CFAP46: variants seen among roughly 807,000 people sequenced by gnomAD.
CFAP46 encodes the protein cilia- and flagella-associated protein 46.
Under a neutral mutation model 325.7 loss-of-function variants are expected in CFAP46, and 245 were observed. The ratio of observed to expected loss-of-function variants is 0.75; its 90% CI spans 0.68 to 0.84. CFAP46 has a LOEUF of 0.84. Ranked by LOEUF, CFAP46 falls within the 40% of genes least tolerant of loss-of-function variation. The pLI, the probability that CFAP46 is intolerant of heterozygous loss-of-function variation, is 0.00. For synonymous variants in CFAP46, 1,523 were observed against 1,495.9 expected (o/e 1.02, Z -0.42); for missense variants, 3,346 against 3,543.0 (o/e 0.94, Z 1.41).
chr10:132,858,199 G>A (rs560929068), intron 38 of CFAP46, among the ~76,000 whole-genome samples: 6 of 152,356 alleles, frequency 3.9e-5, no homozygotes, highest in African/African-American at 1.4e-4. Context: ...CCGCCGTGTC[G>A]AGACGCTTGC....
At chr10:132,925,211 C>G (rs543475467) in intron 10 of CFAP46, among the ~76,000 whole-genome samples, 1 of 152,368 alleles carries the variant, frequency 6.6e-6, no homozygotes, top group Non-Finnish European at 1.5e-5. Context: ...CTTCCCACCC[C>G]CAGAATGCCT....
intron 37 of CFAP46, 144 bp downstream of exon 37, chr10:132,860,273 C>T: frequency 3.2e-6 from 2 of 617,266 alleles, no homozygotes; most frequent in Non-Finnish European, 2.9e-6. Context: ...CTTTCTGGAG[C>T]TGCACGGAAA....
intron 35 of CFAP46, among the ~76,000 whole-genome samples, chr10:132,865,808 T>C (rs370494982): frequency 6.6e-6 from 1 of 152,128 alleles, no homozygotes; most frequent in South Asian, 2.1e-4. Flanking sequence ...GTACTGGAAA[T>C]AGAAACTTCA....
At chr10:132,873,682 C>T (rs1478795622) in intron 31 of CFAP46, among the ~76,000 whole-genome samples, 1 of 152,118 alleles carries the variant, frequency 6.6e-6, no homozygotes, top group Non-Finnish European at 1.5e-5. Flanking sequence ...AGGAGGCCGT[C>T]CCCTCAGGGA....
In CFAP46 at chr10:132,899,113, C is replaced by G. The variant is rs1439417391; in HGVS notation, c.3065G>C (p.Gly1022Ala). Residue 1022 changes from glycine to alanine, a missense_variant, in exon 24 of 58, where the codon GGC becomes GCC. Physicochemically the swap from Gly to Ala is moderately conservative, Grantham distance 60. Coordinates refer to ENST00000368586, the MANE Select transcript of CFAP46 (RefSeq NM_001200049.3). ...KAFTESARFGGIAGSSALVML... is the reference protein window; with the variant it reads ...KAFTESARFGAIAGSSALVML... ...CACCAGGGCGCTGCTGCCCGCGATG[C>G]CTCCGAACCTAAAAGAGGGCAGGTC... is the stretch of plus-strand genomic sequence containing the variant. 6.5e-7 allele frequency: 1 copy of G among 1,549,054 alleles called. No homozygotes were observed. Among genetic ancestry groups the G allele is most frequent in the Non-Finnish European group, 8.7e-7 (1 of 1,146,682 alleles).
chr10:132,928,606 T>C (rs1190491030), intron 9 of CFAP46, among the ~76,000 whole-genome samples: 1 of 152,336 alleles, frequency 6.6e-6, no homozygotes, highest in East Asian at 1.9e-4. Flanking sequence ...CCACTGATGG[T>C]TGGTTTACGT....
intron 27 of CFAP46, among the ~76,000 whole-genome samples, chr10:132,882,018 TAA>T (rs1390555083): frequency 2.4e-3 from 343 of 142,748 alleles, no homozygotes; most frequent in South Asian, 0.012. Flanking sequence ...GTGTGGGATG[TAA>T]GGGGTGTGTG....
intron 22 of CFAP46, among the ~76,000 whole-genome samples, chr10:132,905,070 G>A (rs139206605): frequency 1.4e-4 from 21 of 152,298 alleles, no homozygotes; most frequent in Non-Finnish European, 2.5e-4. Flanking sequence ...CCCTTAGCTC[G>A]TCCTTCCTGC....
intron 31 of CFAP46, among the ~76,000 whole-genome samples, chr10:132,873,680 G>A (rs375857538): frequency 1.6e-4 from 25 of 152,138 alleles, no homozygotes; most frequent in African/African-American, 3.6e-4. Flanking sequence ...GGAGGAGGCC[G>A]TCCCCTCAGG....
chr10:132,880,843 C>A lies in CFAP46; in HGVS notation c.3799+18G>T, dbSNP rs984444406. The A allele has an allele frequency of 3.9e-6, 6 of 1,540,780 alleles. No homozygotes were observed. In the Admixed American group the frequency reaches 1.2e-4, roughly 30 times the overall value. On this transcript the variant is annotated intron_variant, in intron 28 of 57. Coordinates refer to ENST00000368586, the MANE Select transcript of CFAP46 (RefSeq NM_001200049.3). The stretch of plus-strand genomic sequence containing the variant: ...GGAGCGGCGTGGGGTCGGCACCCTG[C>A]CAGCGGCGTGGGCTCACCATCCGGC...
At position 132,928,129 on chromosome 10, in the gene CFAP46, C is replaced by G. The variant is rs548660666; in HGVS notation, c.967-1463G>C. Among the ~76,000 whole-genome samples the G allele has an allele frequency of 2.4e-3, 362 of 152,314 alleles. 1 individual carries two copies. The highest frequency in any genetic ancestry group is 4.4e-3 in the Non-Finnish European group (298 of 68,026). On this transcript the variant is annotated intron_variant, in intron 9 of 57. Transcript: ENST00000368586. ...GCAGGGGCCCACCCGAGAGCCTCAA[C>G]CTGGGATACACAAAACATTGCTCTC...
chr10:132,929,791 A>C lies in CFAP46; in HGVS notation c.880T>G (p.Phe294Val). The C allele has an allele frequency of 6.2e-7, 1 of 1,608,402 alleles. No homozygotes were observed. Among genetic ancestry groups the C allele is most frequent in the Admixed American group, 1.7e-5 (1 of 59,934 alleles). ...GTCAAGGAAAAACGCGCCAATTCAAAAAGCAAAAGCATTCTGCAAACAAAC... is the reference window on the plus strand; with the variant it reads ...GTCAAGGAAAAACGCGCCAATTCAACAAGCAAAAGCATTCTGCAAACAAAC... ...SISEEKMLLL[F>V]ELARFSLTLK... The change falls in exon 9 of 58, where the codon TTT (phenylalanine) becomes GTT (valine). Residue 294 changes from phenylalanine to valine, a missense_variant. Physicochemically the swap from Phe to Val is conservative, Grantham distance 50. Transcript: ENST00000368586.
chr10:132,852,757 T>C (rs1848579795), intron 39 of CFAP46, among the ~76,000 whole-genome samples: 1 of 152,260 alleles, frequency 6.6e-6, no homozygotes, highest in South Asian at 2.1e-4. Flanking sequence ...TTCTCAGTTA[T>C]CTTTTGTAGT....
intron 37 of CFAP46, among the ~76,000 whole-genome samples, chr10:132,860,158 TC>T (rs1276102813): frequency 6.6e-6 from 1 of 152,206 alleles, no homozygotes; most frequent in Non-Finnish European, 1.5e-5. Flanking sequence ...CCCAGGCCCT[TC>T]CCAAGGCCCT....
chr10:132,873,227 T>C lies in CFAP46; in HGVS notation c.4363-403A>G, dbSNP rs191135041. ...ATATATAGAGAAGAGCTAATGCTTC[T>C]TATTATGTTGGACTTGGTTTGTTAA... On this transcript the variant is annotated intron_variant, in intron 31 of 57. Transcript: ENST00000368586. Among the ~76,000 whole-genome samples the C allele has an allele frequency of 9.9e-3, 1,501 of 152,332 alleles. 15 individuals are homozygous for C. Among genetic ancestry groups the C allele is most frequent in the South Asian group, 0.044 (210 of 4,826 alleles).
In CFAP46 at chr10:132,850,275, T is replaced by C. The variant is rs751413993; in HGVS notation, c.5921A>G (p.His1974Arg). 5.2e-6 allele frequency: 8 copies of C among 1,550,628 alleles called. No homozygotes were observed. In the South Asian group the frequency reaches 9.5e-5, roughly 18 times the overall value. The change falls in exon 41 of 58, where the codon CAC (histidine) becomes CGC (arginine). Residue 1974 changes from histidine (H) to arginine (R), a missense_variant. Coordinates refer to ENST00000368586, the MANE Select transcript of CFAP46 (RefSeq NM_001200049.3). ...HLLAMQADPV[H>R]PTCYWEAGPS... ...GCCCGCCTCCCAGTAGCAGGTAGGG[T>C]GCACAGGGTCAGCTTGCATGGCCAG... is the stretch of plus-strand genomic sequence containing the variant.
At chr10:132,830,055 T>C (rs185961367) in intron 50 of CFAP46, among the ~76,000 whole-genome samples, 2 of 151,878 alleles carry the variant, frequency 1.3e-5, no homozygotes, top group East Asian at 3.9e-4. Context: ...GAAAATCAGT[T>C]GGGAAGCAGA....
intron 50 of CFAP46, among the ~76,000 whole-genome samples, chr10:132,823,930 G>C: frequency 6.9e-6 from 1 of 145,260 alleles, no homozygotes; most frequent in Non-Finnish European, 1.5e-5. Flanking sequence ...TGTGTGTGCT[G>C]ATGTGTGCTG....
rs538355861 is a variant in CFAP46 at position 132,922,604 on chromosome 10, C to A, written c.1361G>T (p.Arg454Leu). The A allele has an allele frequency of 1.3e-4, 203 of 1,549,296 alleles. No homozygotes were observed. In the African/African-American group the frequency reaches 2.4e-3, roughly 19 times the overall value. ...PATEHLRKAA[R>L]LDSLGLYRDR... ...CCGGTAGAGGCCCAGGCTGTCCAGG[C>A]GCGCGGCTTTCCGGAGGTGCTCCGT... Residue 454 changes from arginine to leucine, a missense_variant, in exon 12 of 58, where the codon CGC becomes CTC. By Grantham distance (102) the Arg-to-Leu change is moderately radical. Transcript: ENST00000368586.
Sources: gnomAD v4.1 joint callset for allele counts (sites outside exome capture counted in the v4.1 genomes callset) on GRCh38, gnomAD v4.1.1 for gene constraint, MANE v1.5 for transcripts, NCBI Gene and HGNC (gene_info 2026-07-23, HGNC 2026-07-21) for gene names.